Variants in GLYATL1 observed in about 807,000 individuals in gnomAD.
GLYATL1 encodes glycine-N-acyltransferase like 1, also known as glycine N-acyltransferase-like protein 1.
GLYATL1 carries 15 observed loss-of-function variants against 20.0 expected under a neutral mutation model. The ratio of observed to expected loss-of-function variants is 0.75; its 90% CI spans 0.50 to 1.15. The LOEUF (loss-of-function observed/expected upper bound fraction) is 1.15. Ranked by LOEUF, GLYATL1 falls within the 50% of genes most tolerant of loss-of-function variation. The pLI, the probability that GLYATL1 is intolerant of heterozygous loss-of-function variation, is 0.00. For missense variants in GLYATL1, 380 were observed against 368.5 expected, an observed-to-expected ratio of 1.03 and a Z score of -0.26; for synonymous variants, 151 against 131.5, an observed-to-expected ratio of 1.15 and a Z score of -1.01.
intron 1 of GLYATL1, among the ~76,000 whole-genome samples, chr11:58,932,611 T>C (rs1408763202): frequency 6.6e-6 from 1 of 152,238 alleles, no homozygotes; most frequent in East Asian, 1.9e-4. Context: ...AGCAGTTGAT[T>C]CTTCAGTGAA....
chr11:58,911,229 G>A (rs985842092), downstream of GLYATL1, among the ~76,000 whole-genome samples: 5 of 152,176 alleles, frequency 3.3e-5, no homozygotes, highest in African/African-American at 7.2e-5. Flanking sequence ...TTCACTCACT[G>A]AAGAACATTT....
intron 2 of GLYATL1, among the ~76,000 whole-genome samples, chr11:58,945,132 T>G (rs1856473630): frequency 6.6e-6 from 1 of 151,294 alleles, no homozygotes; most frequent in Admixed American, 6.6e-5. Context: ...CCATTTAGGA[T>G]GACAAAAAGG....
rs186158053 is a variant in GLYATL1 at position 58,932,280 on chromosome 11, C to T, written c.-212+4451C>T. Among the ~76,000 whole-genome samples, 11 of 152,156 alleles carry T rather than the reference C, an allele frequency of 7.2e-5. No homozygotes were observed. In the East Asian group the frequency reaches 1.9e-3, roughly 27 times the overall value. The stretch of plus-strand genomic sequence containing the variant: ...ACATTAAAATATGGATAATACCAAG[C>T]TTCAAGCTTTGATGAAGACATAGAA... On this transcript the variant is annotated intron_variant, in intron 1 of 7. Transcript: ENST00000317391.
Position 58,939,588 on chromosome 11 carries a change from C to T in GLYATL1, c.-229C>T, listed in dbSNP as rs1472503425. 6.6e-6 allele frequency: 1 copy of T among 152,254 alleles called. No homozygotes were observed. The allele number at this position is 152,254 out of a possible 1,614,324, so 9.4% of individuals were successfully genotyped here. ...CCTCTGGGGCCACCACAGCTGGCCC[C>T]AACCATGGTCCTGATTGCCTTGGAA... On this transcript the variant is annotated 5_prime_UTR_variant, in exon 1 of 7. Transcript: ENST00000532726.
chr11:58,910,079 C>T (rs1386319966), downstream of GLYATL1, among the ~76,000 whole-genome samples: 1 of 152,178 alleles, frequency 6.6e-6, no homozygotes, highest in Non-Finnish European at 1.5e-5. Context: ...GTAGCTCACC[C>T]ATTCCTGCAC....
chr11:58,912,565 A>T (rs991276789), downstream of GLYATL1, among the ~76,000 whole-genome samples: 1 of 152,252 alleles, frequency 6.6e-6, no homozygotes, highest in African/African-American at 2.4e-5. Context: ...CCCCAGACTT[A>T]GAGCCCTCTG....
At chr11:58,941,403 G>C (rs1327249857) in intron 1 of GLYATL1, among the ~76,000 whole-genome samples, 2 of 151,974 alleles carry the variant, frequency 1.3e-5, no homozygotes, top group Non-Finnish European at 2.9e-5. Context: ...GTATTCCATG[G>C]TGTATATATG....
chr11:58,910,027 T>C (rs1464441497), downstream of GLYATL1, among the ~76,000 whole-genome samples: 1 of 152,150 alleles, frequency 6.6e-6, no homozygotes, highest in Non-Finnish European at 1.5e-5. Flanking sequence ...TATCCTGGTT[T>C]TCTAAGGAAA....
intron 1 of GLYATL1, among the ~76,000 whole-genome samples, chr11:58,932,725 A>G (rs1257139361): frequency 6.6e-6 from 1 of 152,238 alleles, no homozygotes; most frequent in East Asian, 1.9e-4. Context: ...ATGTGTTTAT[A>G]TAAAATCAAA....
chr11:58,943,286 C>T (rs1326214145), intron 1 of GLYATL1: 2 of 1,549,196 alleles, frequency 1.3e-6, no homozygotes, highest in African/African-American at 1.4e-5. Flanking sequence ...TTCAACTACT[C>T]ATAGACTGCT....
downstream of GLYATL1, among the ~76,000 whole-genome samples, chr11:58,909,752 G>A (rs11229690): frequency 0.44 from 66,556 of 151,956 alleles, 15,826 homozygotes; most frequent in Non-Finnish European, 0.54. Flanking sequence ...ATCTCAGAAG[G>A]CTTTCTATCA....
Position 58,905,807 on chromosome 11 carries a change from G to A in GLYATL1, n.238+146G>A, listed in dbSNP as rs575766584. The A allele has an allele frequency of 1.6e-5, 6 of 383,976 alleles. 1 individual carries two copies. Among genetic ancestry groups the A allele is most frequent in the African/African-American group, 1.0e-4 (5 of 48,214 alleles). The allele number at this position is 383,976 out of a possible 1,614,324, so 23.8% of individuals were successfully genotyped here. The stretch of plus-strand genomic sequence containing the variant: ...GTCTGACCCGCCCGCGAGCGCGTGC[G>A]CCCAGGCGTGCACTCTCATCCCTTT... On this transcript the variant is annotated intron_variant and non_coding_transcript_variant, in intron 1 of 1. Coordinates refer to the GLYATL1 transcript ENST00000524629.
chr11:58,921,095 G>A (rs934576426), intron 1 of GLYATL1, among the ~76,000 whole-genome samples: 1 of 152,204 alleles, frequency 6.6e-6, no homozygotes, highest in Non-Finnish European at 1.5e-5. Flanking sequence ...GCCTCCCAGA[G>A]GAGGGGCTCC....
chr11:58,925,276 C>T (rs1175094528), upstream of GLYATL1, among the ~76,000 whole-genome samples: 3 of 152,148 alleles, frequency 2.0e-5, no homozygotes, highest in South Asian at 2.1e-4. Context: ...TAAATTTAGC[C>T]AATATGTTTA....
chr11:58,922,278 G>A (rs1169698549), intron 1 of GLYATL1, among the ~76,000 whole-genome samples: 5 of 152,154 alleles, frequency 3.3e-5, no homozygotes, highest in Non-Finnish European at 5.9e-5. Context: ...GTTGGATGGT[G>A]CGTTAGGAAG....
intron 1 of GLYATL1, among the ~76,000 whole-genome samples, chr11:58,914,817 G>A (rs1408257958): frequency 1.3e-5 from 2 of 152,174 alleles, no homozygotes; most frequent in Admixed American, 6.5e-5. Flanking sequence ...GGGGGTGGAG[G>A]CAAGTCCTGT....
Position 58,943,602 on chromosome 11 carries a change from A to G in GLYATL1, c.-107A>G. ...TAGTATCCCCAGGAGCGCGAAGTGA[A>G]CACGGAAGGTACCTGCAGGATCCAA... On this transcript the variant is annotated 5_prime_UTR_variant, in exon 2 of 7. Coordinates refer to ENST00000532726, the MANE Select transcript of GLYATL1 (RefSeq NM_001389712.2). 2 of 1,613,620 alleles carry G rather than the reference A, an allele frequency of 1.2e-6. No homozygotes were observed. The highest frequency in any genetic ancestry group is 1.7e-6 in the Non-Finnish European group (2 of 1,179,590).
chr11:58,955,963 T>C lies in GLYATL1; in HGVS notation c.845T>C (p.Phe282Ser), dbSNP rs1857393595. The C allele has an allele frequency of 6.2e-7, 1 of 1,614,160 alleles. No individual in the cohort carries two copies. The highest frequency in any genetic ancestry group is 2.2e-5 in the East Asian group (1 of 44,888). ...DSRRFVGQFG[F>S]FEASCEWHQW... is the part of the protein sequence containing the mutation. ...CGCAGATTTGTGGGGCAGTTTGGTT[T>C]CTTTGAGGCCTCCTGTGAGTGGCAC... Residue 282 changes from phenylalanine (F) to serine (S), a missense_variant, in exon 7 of 7, where the codon TTC becomes TCC. By Grantham distance (155) the Phe-to-Ser change is radical (BLOSUM62 -2). Transcript: ENST00000532726.
intron 2 of GLYATL1, among the ~76,000 whole-genome samples, chr11:58,943,967 T>C (rs976483202): frequency 9.2e-5 from 14 of 151,858 alleles, no homozygotes; most frequent in Non-Finnish European, 1.9e-4. Context: ...TTTCTTTTTT[T>C]TTTTTGTGCG....
Sources: gnomAD v4.1 joint callset for allele counts (sites outside exome capture counted in the v4.1 genomes callset) on GRCh38, gnomAD v4.1.1 for gene constraint, MANE v1.5 for transcripts, NCBI Gene and HGNC (gene_info 2026-07-23, HGNC 2026-07-21) for gene names.